RIN2: variants seen among roughly 807,000 people sequenced by gnomAD.
RIN2 encodes Ras and Rab interactor 2, also known as RAB5 interacting protein 2.
A neutral mutation model predicts 78.0 loss-of-function variants in RIN2; 36 were observed. The observed-to-expected ratio is 0.46, with a 90% CI of 0.35 to 0.61. The LOEUF is 0.61. Ranked by LOEUF, RIN2 falls within the 20% of genes least tolerant of loss-of-function variation. The probability of loss-of-function intolerance (pLI) is 0.00; values close to 1 mark genes in which losing one functional copy is unlikely to be tolerated. For missense variants in RIN2, 1,087 were observed against 1,159.7 expected, an observed-to-expected ratio of 0.94 and a Z score of 0.91; for synonymous variants, 466 against 466.8, an observed-to-expected ratio of 1.00 and a Z score of 0.02.
intron 2 of RIN2, among the ~76,000 whole-genome samples, chr20:19,805,882 A>G (rs28873477): frequency 0.11 from 16,144 of 151,972 alleles, 923 homozygotes; most frequent in South Asian, 0.19. Flanking sequence ...CCCAACCTCC[A>G]ACAGGCCACA....
At position 19,979,366 on chromosome 20, in the gene RIN2, A is replaced by T. The variant is rs575651792; in HGVS notation, c.1762+3579A>T. Among the ~76,000 whole-genome samples the T allele has an allele frequency of 7.2e-5, 11 of 152,372 alleles. No individual in the cohort carries two copies. In the East Asian group the frequency reaches 1.9e-3, roughly 27 times the overall value. On this transcript the variant is annotated intron_variant, in intron 9 of 12. Transcript: ENST00000255006. ...TACTGTGCTTATTTAAGTGCTACAA[A>T]CCAAAATGTATGTTTTCTCCAAAGA...
At chr20:19,838,478 A>G (rs1325281956) in intron 2 of RIN2, among the ~76,000 whole-genome samples, 1 of 152,206 alleles carries the variant, frequency 6.6e-6, no homozygotes, top group South Asian at 2.1e-4. Flanking sequence ...CATTGTATGG[A>G]CATACCCTAT....
intron 10 of RIN2, 63 bp from the exon 11 acceptor site, chr20:19,992,105 G>A (rs2042814547): frequency 6.4e-7 from 1 of 1,569,734 alleles, no homozygotes; most frequent in Non-Finnish European, 8.7e-7. Flanking sequence ...AAAGCAGCAA[G>A]AAGGATGTGA....
intron 3 of RIN2, among the ~76,000 whole-genome samples, chr20:19,929,880 T>C (rs1426586923): frequency 1.3e-5 from 2 of 152,144 alleles, no homozygotes; most frequent in African/African-American, 2.4e-5. Flanking sequence ...ATCCCTTCAG[T>C]GGGACAAAAT....
At chr20:19,880,909 C>T (rs1267767294) in intron 2 of RIN2, among the ~76,000 whole-genome samples, 1 of 152,184 alleles carries the variant, frequency 6.6e-6, no homozygotes, top group Non-Finnish European at 1.5e-5. Flanking sequence ...TCTAAAATAA[C>T]AGACCGAACA....
chr20:19,815,536 T>A (rs34809175), intron 2 of RIN2, among the ~76,000 whole-genome samples: 18,672 of 152,264 alleles, frequency 0.12, 1,397 homozygotes, highest in African/African-American at 0.21. Flanking sequence ...TTTTGAAAAG[T>A]TGCTTTTCTT....
chr20:19,842,348 C>T (rs2036604436), intron 2 of RIN2, among the ~76,000 whole-genome samples: 1 of 142,518 alleles, frequency 7.0e-6, no homozygotes, highest in African/African-American at 2.6e-5. Flanking sequence ...TCAGCACCCC[C>T]TAGTAGCTGG....
At chr20:19,862,357 C>G (rs908621829) in intron 2 of RIN2, among the ~76,000 whole-genome samples, 2 of 152,058 alleles carry the variant, frequency 1.3e-5, no homozygotes, top group Non-Finnish European at 2.9e-5. Context: ...TTTGGGAGGC[C>G]GAGGCGGGTG....
chr20:19,855,329 T>G (rs370985450), intron 2 of RIN2, among the ~76,000 whole-genome samples: 9 of 152,158 alleles, frequency 5.9e-5, no homozygotes, highest in South Asian at 4.2e-4. Flanking sequence ...CAGGGATATT[T>G]GTCTAAAATT....
chr20:19,974,586 T>A (rs2042207342), intron 8 of RIN2, 68 bp from the exon 9 acceptor site: 2 of 1,506,074 alleles, frequency 1.3e-6, no homozygotes, highest in Non-Finnish European at 1.8e-6. Flanking sequence ...GTGCTTTTTT[T>A]AATTTGTGAA....
chr20:19,763,698 T>C (rs1023800557), intron 1 of RIN2, among the ~76,000 whole-genome samples: 4 of 152,200 alleles, frequency 2.6e-5, no homozygotes, highest in Non-Finnish European at 5.9e-5. Context: ...GTGTGAGATG[T>C]CTTATTCTGG....
intron 3 of RIN2, among the ~76,000 whole-genome samples, chr20:19,932,171 G>A (rs567216644): frequency 7.9e-5 from 12 of 152,294 alleles, no homozygotes; most frequent in Non-Finnish European, 1.0e-4. Flanking sequence ...AATTAATGCC[G>A]TTATCTTGGT....
chr20:19,970,856 C>T lies in RIN2; in HGVS notation c.555C>T (p.Thr185=), dbSNP rs774018671. ...CAATCAGGGATGTTCTACCATTTAC[C>T]TTGAAGTTGCCTTATGCCATTTCAA... ...YCISRDVLPF[T]LKLPYAISTA... The change falls in exon 8 of 13, where the codon ACC becomes ACT. Residue 185 remains threonine, a synonymous_variant. Transcript: ENST00000255006. The T allele has an allele frequency of 6.2e-7, 1 of 1,613,286 alleles. No individual in the cohort carries two copies. Among genetic ancestry groups the T allele is most frequent in the Non-Finnish European group, 8.5e-7 (1 of 1,179,510 alleles).
At chr20:19,859,608 T>C (rs73277420) in intron 2 of RIN2, among the ~76,000 whole-genome samples, 19,382 of 152,174 alleles carry the variant, frequency 0.13, 2,774 homozygotes, top group African/African-American at 0.36. Flanking sequence ...GAAGATCCCA[T>C]CTATTCCATG....
At chr20:19,866,377 G>A (rs2037507160) in intron 2 of RIN2, among the ~76,000 whole-genome samples, 1 of 152,060 alleles carries the variant, frequency 6.6e-6, no homozygotes, top group Non-Finnish European at 1.5e-5. Flanking sequence ...CTGATATATA[G>A]GACTGATGAA....
chr20:19,885,540 G>A lies in RIN2; in HGVS notation c.-36-4026G>A, dbSNP rs2038154369. Among the ~76,000 whole-genome samples, 8 of 94,262 alleles carry A rather than the reference G, an allele frequency of 8.5e-5. No individual in the cohort carries two copies. In the South Asian group the frequency reaches 2.6e-3, roughly 30 times the overall value. 61.8% of individuals were successfully genotyped at this position (94,262 alleles called of 152,430 possible). Reference sequence around the variant, plus strand: ...AAATTAGCCAGGCATGATGGTGCACGCCTGTAATCCTGGCTACTTGCAGGC... The same window carrying A: ...AAATTAGCCAGGCATGATGGTGCACACCTGTAATCCTGGCTACTTGCAGGC... On this transcript the variant is annotated intron_variant, in intron 2 of 12. Transcript: ENST00000255006.
rs1469966065 is a variant in RIN2 at position 19,931,334 on chromosome 20, T to C, written c.58-3765T>C. On this transcript the variant is annotated intron_variant, in intron 3 of 12. Coordinates refer to ENST00000255006, the MANE Select transcript of RIN2 (RefSeq NM_018993.4). Reference sequence around the variant, plus strand: ...TTAAAAAAACTTTTTATAGAGACGATCTCACTATGTTGTCCAGGCTGGTCT... The same window carrying C: ...TTAAAAAAACTTTTTATAGAGACGACCTCACTATGTTGTCCAGGCTGGTCT... 3.3e-5 allele frequency among the ~76,000 whole-genome samples: 5 copies of C among 152,208 alleles called. No homozygotes were observed. The East Asian group carries it at 9.6e-4, about 29-fold the overall frequency.
intron 3 of RIN2, among the ~76,000 whole-genome samples, chr20:19,933,284 A>G (rs550191171): frequency 2.6e-5 from 4 of 152,332 alleles, no homozygotes; most frequent in African/African-American, 7.2e-5. Context: ...CAAAGTTGGC[A>G]AGATCTGATC....
intron 1 of RIN2, among the ~76,000 whole-genome samples, chr20:19,786,139 C>G (rs1331916654): frequency 1.3e-5 from 2 of 152,166 alleles, no homozygotes; most frequent in Admixed American, 1.3e-4. Context: ...CTAGGCACCT[C>G]CTTATCAAGA....
Sources: gnomAD v4.1 joint callset for allele counts (sites outside exome capture counted in the v4.1 genomes callset) on GRCh38, gnomAD v4.1.1 for gene constraint, MANE v1.5 for transcripts, NCBI Gene and HGNC (gene_info 2026-07-23, HGNC 2026-07-21) for gene names.